The following ANK1 variants were observed in gnomAD, a reference collection of about 807,000 sequenced individuals.
ANK1 encodes the protein ankyrin 1.
Under a neutral mutation model 210.4 loss-of-function variants are expected in ANK1, and 51 were observed. The ratio of observed to expected loss-of-function variants is 0.24; its 90% CI spans 0.19 to 0.31. The LOEUF is 0.31. Ranked by LOEUF, ANK1 falls within the 10% of genes least tolerant of loss-of-function variation. The pLI, the probability that ANK1 is intolerant of heterozygous loss-of-function variation, is 1.00. For missense variants in ANK1, 2,051 were observed against 2,504.4 expected (o/e 0.82, Z 3.86); for synonymous variants, 967 against 1,025.9 (o/e 0.94, Z 1.10).
rs776414993 is a variant in ANK1, at chr8:41,723,170, T to C, written c.864A>G (p.Ser288=). ...GTGCCCCGTGGTCCAGCAGGATCTC[T>C]GAGATTCGCACGTGCCCATTTCGAG... ...CAARNGHVRI[S]EILLDHGAPI... is the part of the protein sequence containing the mutation. Residue 288 remains serine, a synonymous_variant, in exon 9 of 43, where the codon TCA becomes TCG. Transcript: ENST00000289734. 1 of 1,614,184 alleles carries C rather than the reference T, an allele frequency of 6.2e-7. No individual in the cohort carries two copies. The highest frequency in any genetic ancestry group is 8.5e-7 in the Non-Finnish European group (1 of 1,180,038).
intron 22 of ANK1, among the ~76,000 whole-genome samples, chr8:41,699,947 G>C (rs1347126487): frequency 6.6e-6 from 1 of 152,226 alleles, no homozygotes; most frequent in East Asian, 1.9e-4. Context: ...ATTTCAAAGG[G>C]CTGGAGAATT....
upstream of ANK1, among the ~76,000 whole-genome samples, chr8:41,798,142 G>A (rs1280540574): frequency 6.6e-6 from 1 of 151,990 alleles, no homozygotes; most frequent in Non-Finnish European, 1.5e-5. Flanking sequence ...CTGAGCCAGG[G>A]CGCACGCCCT....
Position 41,668,438 on chromosome 8 carries a change from C to A in ANK1, c.5223G>T (p.Gly1741=). 1 of 1,614,222 alleles carries A rather than the reference C, an allele frequency of 6.2e-7. No homozygotes were observed. Among genetic ancestry groups the A allele is most frequent in the African/African-American group, 1.3e-5 (1 of 75,046 alleles). ...SFQGTSTMTE[G]LEPGGSQEYE... ...ACTCCTGAGATCCACCGGGCTCTAG[C>A]CCTTCAGTCATGGTACTTGTTCCCT... Residue 1741 remains glycine (G), a synonymous_variant, in exon 39 of 43, where the codon GGG becomes GGT. Transcript: ENST00000289734.
At chr8:41,876,448 C>T (rs750629108) in intron 1 of ANK1, among the ~76,000 whole-genome samples, 2 of 152,236 alleles carry the variant, frequency 1.3e-5, no homozygotes, top group Non-Finnish European at 2.9e-5. Context: ...TTCAAGGTAA[C>T]CTTGAAACCT....
chr8:41,889,018 T>G (rs1818933639), intron 1 of ANK1, among the ~76,000 whole-genome samples: 1 of 152,222 alleles, frequency 6.6e-6, no homozygotes, highest in Admixed American at 6.5e-5. Flanking sequence ...TTTTTAAATT[T>G]TTTGTGGAGA....
intron 1 of ANK1, among the ~76,000 whole-genome samples, chr8:41,770,309 G>A (rs1007663467): frequency 6.6e-6 from 1 of 152,106 alleles, no homozygotes; most frequent in Non-Finnish European, 1.5e-5. Flanking sequence ...TGATACATCT[G>A]TTCAAATCTT....
intron 9 of ANK1, among the ~76,000 whole-genome samples, chr8:41,721,656 C>CAAAAAAAAAAAAAA (rs55653901): frequency 1.0e-4 from 11 of 108,122 alleles, no homozygotes; most frequent in Non-Finnish European, 1.7e-4. Flanking sequence ...GACTTCATCT[C>CAAAAAAAAAAAAAA]AAAAAAAAAA....
chr8:41,746,721 G>A (rs747787390), intron 2 of ANK1, among the ~76,000 whole-genome samples: 3 of 152,172 alleles, frequency 2.0e-5, no homozygotes, highest in Non-Finnish European at 4.4e-5. Context: ...CAAATCAACT[G>A]CAGAGGCTGA....
At chr8:41,701,753 G>T in intron 21 of ANK1, 131 bp from the exon 22 acceptor site, 1 of 992,208 alleles carries the variant, frequency 1.0e-6, no homozygotes, top group Non-Finnish European at 1.5e-6. Flanking sequence ...GAGGCGCTCA[G>T]CCTGGAAGCT....
At chr8:41,830,849 C>T (rs887950205) in intron 1 of ANK1, among the ~76,000 whole-genome samples, 1 of 152,174 alleles carries the variant, frequency 6.6e-6, no homozygotes, top group Non-Finnish European at 1.5e-5. Flanking sequence ...AAATGCCCAG[C>T]GTGAGGGCTG....
At chr8:41,783,108 G>C (rs1845666094) in intron 1 of ANK1, among the ~76,000 whole-genome samples, 1 of 152,230 alleles carries the variant, frequency 6.6e-6, no homozygotes, top group Non-Finnish European at 1.5e-5. Flanking sequence ...TCTTAGCAAA[G>C]TAGTAGTGCA....
rs202134065 is a variant in ANK1, at chr8:41,724,436, C to T, written c.711+20G>A. Reference sequence around the variant, plus strand: ...GCCCCAAGCCCCCGGACAGTGAGGGCGCACGTGCCCCAGGGTTACCTGTGG... The same window carrying T: ...GCCCCAAGCCCCCGGACAGTGAGGGTGCACGTGCCCCAGGGTTACCTGTGG... On this transcript the variant is annotated intron_variant, in intron 7 of 42. Transcript: ENST00000289734. 43 of 1,547,126 alleles carry T rather than the reference C, an allele frequency of 2.8e-5. 1 individual carries two copies. In the Middle Eastern group the frequency reaches 6.5e-4, roughly 23 times the overall value.
Position 41,763,833 on chromosome 8 carries a change from T to C in ANK1, c.28-5696A>G, listed in dbSNP as rs1459797109. Among the ~76,000 whole-genome samples, 3 of 151,384 alleles carry C rather than the reference T, an allele frequency of 2.0e-5. No homozygotes were observed. The East Asian group carries it at 5.8e-4, about 29-fold the overall frequency. The stretch of plus-strand genomic sequence containing the variant: ...CTAAGGTCACCTAGATAGTTAGCAG[T>C]GAAGTGCAATTGCTAAAGCTTTTTC... On this transcript the variant is annotated intron_variant, in intron 1 of 42. Coordinates refer to ENST00000289734, the MANE Select transcript of ANK1 (RefSeq NM_000037.4).
At chr8:41,708,451 G>T (rs533364513) in intron 17 of ANK1, among the ~76,000 whole-genome samples, 1 of 152,298 alleles carries the variant, frequency 6.6e-6, no homozygotes, top group South Asian at 2.1e-4. Flanking sequence ...ATGCACTCCT[G>T]AAGGTAGGCA....
At chr8:41,826,873 C>T (rs975502566) in intron 1 of ANK1, among the ~76,000 whole-genome samples, 1 of 152,160 alleles carries the variant, frequency 6.6e-6, no homozygotes, top group African/African-American at 2.4e-5. Flanking sequence ...AAATTCCCCT[C>T]TCCTCCCCTC....
rs199689575 is a variant in ANK1, at chr8:41,725,809, C to T, written c.564G>A (p.Thr188=). 3 of 1,611,990 alleles carry T rather than the reference C, an allele frequency of 1.9e-6. No individual in the cohort carries two copies. In the East Asian group the frequency reaches 6.7e-5, roughly 36 times the overall value. ...HIAARNDDTR[T]AAVLLQNDPN... is the part of the protein sequence containing the mutation. ...GGTCGTTCTGCAGCAGCACCGCAGC[C>T]GTGCGCGTGTCGTCGTTGCGGGCCG... The change falls in exon 6 of 43, where the codon ACG becomes ACA. Residue 188 remains threonine, a synonymous_variant. Transcript: ENST00000289734.
chr8:41,714,053 C>A, intron 16 of ANK1, 103 bp downstream of exon 16: 1 of 813,044 alleles, frequency 1.2e-6, no homozygotes, highest in Non-Finnish European at 1.7e-6. Context: ...AGCAACAGAA[C>A]GCAAAACCCT....
At position 41,690,204 on chromosome 8, in the gene ANK1, C is replaced by T. The variant is rs758328153; in HGVS notation, c.4104+23G>A. The T allele has an allele frequency of 3.1e-5, 50 of 1,613,802 alleles. No individual in the cohort carries two copies. The African/African-American group carries it at 6.0e-4, about 19-fold the overall frequency. On this transcript the variant is annotated intron_variant, in intron 33 of 42. Coordinates refer to ENST00000289734, the MANE Select transcript of ANK1 (RefSeq NM_000037.4). ...ACAGGGAAGCCGTCTCGGGCCAAGG[C>T]TCCTCGGCAGGTGCCAGCTCACCTT... is the stretch of plus-strand genomic sequence containing the variant.
Position 41,717,597 on chromosome 8 carries a change from G to A in ANK1, c.1305+7C>T. 6.4e-7 allele frequency: 1 copy of A among 1,551,046 alleles called. No individual in the cohort carries two copies. Among genetic ancestry groups the A allele is most frequent in the South Asian group, 1.2e-5 (1 of 84,044 alleles). ...GGGAGCAAGCCCCTGCCTGCCTGAG[G>A]GCTTACCACGTTGGAGACGTTGGGC... On this transcript the variant is annotated splice_region_variant and intron_variant, in intron 12 of 42. Coordinates refer to ENST00000289734, the MANE Select transcript of ANK1 (RefSeq NM_000037.4).
Sources: gnomAD v4.1 joint callset for allele counts (sites outside exome capture counted in the v4.1 genomes callset) on GRCh38, gnomAD v4.1.1 for gene constraint, MANE v1.5 for transcripts, NCBI Gene and HGNC (gene_info 2026-07-23, HGNC 2026-07-21) for gene names.